ACAP2: variants seen among roughly 807,000 people sequenced by gnomAD.
The protein encoded by ACAP2 is ArfGAP with coiled-coil, ankyrin repeat and PH domains 2, also known as arf-GAP with coiled-coil, ANK repeat and PH domain-containing protein 2.
In ACAP2, 39 loss-of-function variants were observed where a neutral mutation model predicts 115.8. That is an observed-to-expected ratio of 0.34 (90% CI 0.26 to 0.44). ACAP2 has a LOEUF of 0.44. Among genes scored for constraint, ACAP2 ranks in the 20% least tolerant of loss-of-function variants. The pLI, the probability that ACAP2 is intolerant of heterozygous loss-of-function variation, is 1.00. For missense variants in ACAP2, 662 were observed against 927.6 expected (o/e 0.71, Z 3.72); for synonymous variants, 289 against 315.8 (o/e 0.92, Z 0.90).
At chr3:195,424,150 C>T (rs1206638139) in intron 1 of ACAP2, among the ~76,000 whole-genome samples, 2 of 149,808 alleles carry the variant, frequency 1.3e-5, no homozygotes, top group Non-Finnish European at 3.0e-5. Context: ...TTCTCTGTCC[C>T]CTAGTATAAA....
chr3:195,406,260 C>G (rs1030079586), intron 1 of ACAP2, among the ~76,000 whole-genome samples: 1 of 152,124 alleles, frequency 6.6e-6, no homozygotes, highest in Non-Finnish European at 1.5e-5. Flanking sequence ...AGTCCTCACC[C>G]TCTTATTTAA....
intron 4 of ACAP2, among the ~76,000 whole-genome samples, chr3:195,369,076 C>T (rs1317310503): frequency 1.4e-5 from 2 of 142,578 alleles, no homozygotes; most frequent in Non-Finnish European, 3.0e-5. Flanking sequence ...AAGAGCAGAA[C>T]TATGTCTCAA....
chr3:195,440,014 T>C (rs547833119), intron 1 of ACAP2, among the ~76,000 whole-genome samples: 14 of 152,228 alleles, frequency 9.2e-5, no homozygotes, highest in Admixed American at 3.3e-4. Flanking sequence ...CTACATACAA[T>C]TAAGGGCCCA....
At chr3:195,358,694 A>G (rs1732150183) in intron 4 of ACAP2, among the ~76,000 whole-genome samples, 1 of 152,116 alleles carries the variant, frequency 6.6e-6, no homozygotes. Context: ...AGAATAAAAA[A>G]GAATGAAGCA....
intron 4 of ACAP2, among the ~76,000 whole-genome samples, chr3:195,380,220 A>G (rs904818438): frequency 1.2e-4 from 19 of 152,210 alleles, no homozygotes; most frequent in Non-Finnish European, 2.6e-4. Flanking sequence ...AATTTGAACT[A>G]TAATTAAAAT....
intron 4 of ACAP2, among the ~76,000 whole-genome samples, chr3:195,371,626 T>TTA (rs1474528634): frequency 6.6e-6 from 1 of 152,134 alleles, no homozygotes; most frequent in Non-Finnish European, 1.5e-5. Context: ...CATCCTTGTC[T>TTA]TATGCTGGTT....
chr3:195,382,748 C>T (rs571945647), intron 2 of ACAP2, among the ~76,000 whole-genome samples: 10 of 151,946 alleles, frequency 6.6e-5, no homozygotes, highest in Non-Finnish European at 1.3e-4. Context: ...ATTAAAACTG[C>T]TGCCCTGAGA....
intron 6 of ACAP2, among the ~76,000 whole-genome samples, chr3:195,338,610 T>C (rs917206449): frequency 6.6e-6 from 1 of 152,226 alleles, no homozygotes; most frequent in Non-Finnish European, 1.5e-5. Context: ...AATGAGCCCC[T>C]GCACCCGGCC....
intron 9 of ACAP2, among the ~76,000 whole-genome samples, chr3:195,322,956 T>C (rs1460785611): frequency 1.3e-5 from 2 of 152,192 alleles, no homozygotes; most frequent in African/African-American, 4.8e-5. Context: ...GACATAGTGT[T>C]AGAATCTCCT....
intron 1 of ACAP2, among the ~76,000 whole-genome samples, chr3:195,440,735 T>C (rs1328888837): frequency 1.3e-5 from 2 of 152,218 alleles, no homozygotes; most frequent in Non-Finnish European, 2.9e-5. Flanking sequence ...ATCCTCATAG[T>C]AATAGGATTA....
At chr3:195,362,725 C>T (rs1017350619) in intron 4 of ACAP2, among the ~76,000 whole-genome samples, 3 of 152,148 alleles carry the variant, frequency 2.0e-5, no homozygotes, top group Non-Finnish European at 4.4e-5. Flanking sequence ...CATATGATGA[C>T]TTCAATTGAT....
chr3:195,328,409 TAA>T (rs1389674818), intron 8 of ACAP2, among the ~76,000 whole-genome samples: 3 of 152,042 alleles, frequency 2.0e-5, no homozygotes, highest in Non-Finnish European at 4.4e-5. Flanking sequence ...TGAATAGTAA[TAA>T]AGATTAACCA....
chr3:195,408,893 TTC>T (rs1283901653), intron 1 of ACAP2, among the ~76,000 whole-genome samples: 1 of 152,052 alleles, frequency 6.6e-6, no homozygotes, highest in Non-Finnish European at 1.5e-5. Flanking sequence ...ACTGACAAAA[TTC>T]TTTTTTTCAT....
chr3:195,396,316 T>G (rs907981970), intron 1 of ACAP2, among the ~76,000 whole-genome samples: 2 of 149,348 alleles, frequency 1.3e-5, no homozygotes, highest in Non-Finnish European at 3.0e-5. Context: ...CACCAAGACA[T>G]GGCTATGAAA....
intron 1 of ACAP2, among the ~76,000 whole-genome samples, chr3:195,400,399 A>AT (rs1024066679): frequency 6.6e-6 from 1 of 152,006 alleles, no homozygotes; most frequent in African/African-American, 2.4e-5. Context: ...ATATACAGTC[A>AT]TTTTTAACAT....
intron 16 of ACAP2, among the ~76,000 whole-genome samples, chr3:195,296,765 A>C (rs1010690654): frequency 6.6e-6 from 1 of 152,204 alleles, no homozygotes; most frequent in African/African-American, 2.4e-5. Flanking sequence ...TCAATATTAT[A>C]ATGCCATGCA....
At chr3:195,400,918 G>T (rs1712232312) in intron 1 of ACAP2, among the ~76,000 whole-genome samples, 1 of 152,228 alleles carries the variant, frequency 6.6e-6, no homozygotes, top group Non-Finnish European at 1.5e-5. Flanking sequence ...TCAGAGGCCA[G>T]GCGAGGTGGC....
intron 22 of ACAP2, among the ~76,000 whole-genome samples, chr3:195,281,213 G>A (rs1726483077): frequency 6.6e-6 from 1 of 152,132 alleles, no homozygotes. Context: ...AGACCATCCT[G>A]GCTAACACGG....
intron 8 of ACAP2, 55 bp downstream of exon 8, chr3:195,332,973 A>T: frequency 7.3e-7 from 1 of 1,366,256 alleles, no homozygotes; most frequent in South Asian, 1.2e-5. Context: ...AAATTTCTTT[A>T]AAAATACAAA....
Sources: gnomAD v4.1 joint callset for allele counts (sites outside exome capture counted in the v4.1 genomes callset) on GRCh38, gnomAD v4.1.1 for gene constraint, MANE v1.5 for transcripts, NCBI Gene and HGNC (gene_info 2026-07-23, HGNC 2026-07-21) for gene names.